The following SRL variants were observed in gnomAD, a reference collection of about 807,000 sequenced individuals.
The protein encoded by SRL is sarcalumenin.
Under a neutral mutation model 39.5 loss-of-function variants are expected in SRL, and 23 were observed. The observed-to-expected ratio is 0.58, with a 90% CI of 0.42 to 0.82. SRL has a LOEUF of 0.82. SRL is among the 40% of genes least tolerant of loss of function. The probability of loss-of-function intolerance (pLI) is 0.00; values close to 1 mark genes in which losing one functional copy is unlikely to be tolerated. For synonymous variants in SRL, 272 were observed against 237.4 expected (o/e 1.15, Z -1.34); for missense variants, 592 against 607.8 (o/e 0.97, Z 0.27).
Position 4,190,768 on chromosome 16 carries a change from C to T in SRL, c.*1385G>A, listed in dbSNP as rs1276996624. 1.7e-5 allele frequency: 5 copies of T among 300,944 alleles called. No homozygotes were observed. The highest frequency in any genetic ancestry group is 1.1e-4 in the East Asian group (2 of 18,598). 18.6% of individuals were successfully genotyped at this position (300,944 alleles called of 1,614,324 possible). A position where few individuals can be genotyped will look rare whatever the true frequency, so the allele number is the denominator to read the frequency against. On this transcript the variant is annotated 3_prime_UTR_variant, in exon 6 of 6. Coordinates refer to ENST00000399609, the MANE Select transcript of SRL (RefSeq NM_001098814.2). ...GTTAAGCCTTGGTGGCCACCGACAC[C>T]GAGTGGCTGGTGCTGGTTCTGACTC...
rs993031630 is a variant in SRL, at chr16:4,191,936, C to T, written c.*217G>A. On this transcript the variant is annotated 3_prime_UTR_variant, in exon 6 of 6. Transcript: ENST00000399609. ...CTGACTTGCCTCAATCAGGCCTCCT[C>T]ATTGAAGCAACAAGACAAGCACACA... 8.0e-6 allele frequency: 4 copies of T among 502,020 alleles called. No individual in the cohort carries two copies. The highest frequency in any genetic ancestry group is 1.0e-5 in the Non-Finnish European group (3 of 291,500). 31.1% of individuals were successfully genotyped at this position (502,020 alleles called of 1,614,324 possible).
At chr16:4,238,616 G>A (rs1007647760) in intron 1 of SRL, among the ~76,000 whole-genome samples, 5 of 150,846 alleles carry the variant, frequency 3.3e-5, no homozygotes, top group East Asian at 1.9e-4. Flanking sequence ...CACCATGCCC[G>A]GTGCCACTTT....
chr16:4,195,683 T>C lies in SRL; in HGVS notation c.480A>G (p.Ser160=). ...AATTCTGGCCAAACTTCTCAAGGGG[T>C]GAGAAGGAACGGGCGCTGTCAGCAG... ...VMAADSARSF[S]PLEKFGQNFL... is the part of the protein sequence containing the mutation. Residue 160 remains serine, a synonymous_variant, in exon 5 of 6, where the codon TCA becomes TCG. Transcript: ENST00000399609. 1 of 1,613,872 alleles carries C rather than the reference T, an allele frequency of 6.2e-7. No individual in the cohort carries two copies. The highest frequency in any genetic ancestry group is 8.5e-7 in the Non-Finnish European group (1 of 1,179,966).
chr16:4,199,949 G>C (rs576398370), intron 3 of SRL, among the ~76,000 whole-genome samples: 1 of 152,048 alleles, frequency 6.6e-6, no homozygotes, highest in Non-Finnish European at 1.5e-5. Context: ...CACCTGCCTC[G>C]GCTTCCCAAA....
At chr16:4,202,069 GC>G (rs1240413352) in intron 3 of SRL, among the ~76,000 whole-genome samples, 1 of 152,210 alleles carries the variant, frequency 6.6e-6, no homozygotes, top group East Asian at 1.9e-4. Context: ...GAGATTACAG[GC>G]GTGAGCCACC....
chr16:4,192,008 C>T lies in SRL; in HGVS notation c.*145G>A, dbSNP rs372222294. On this transcript the variant is annotated 3_prime_UTR_variant, in exon 6 of 6. Coordinates refer to ENST00000399609, the MANE Select transcript of SRL (RefSeq NM_001098814.2). This position sits in a 1 kb window ranked among gnomAD's most constrained non-coding sequence, Gnocchi z 4.0. The stretch of plus-strand genomic sequence containing the variant: ...CCTCCCTAGACCCACACACCTGCCC[C>T]GACCCCTGGCCTCAATGAACTCCCA... 110 of 887,442 alleles carry T rather than the reference C, an allele frequency of 1.2e-4. No homozygotes were observed. The African/African-American group carries it at 1.7e-3, about 14-fold the overall frequency. 55.0% of individuals were successfully genotyped at this position (887,442 alleles called of 1,614,324 possible).
intron 1 of SRL, among the ~76,000 whole-genome samples, chr16:4,227,513 G>C (rs2052606932): frequency 1.3e-5 from 2 of 151,056 alleles, no homozygotes; most frequent in Admixed American, 6.6e-5. Context: ...GAATGGGTGG[G>C]TAGATGAGTA....
chr16:4,204,408 G>GAT, intron 2 of SRL, 125 bp downstream of exon 2: 1 of 812,456 alleles, frequency 1.2e-6, no homozygotes, highest in Non-Finnish European at 2.0e-6. Flanking sequence ...CTCCAAGATA[G>GAT]ATACAGCCCC....
intron 1 of SRL, among the ~76,000 whole-genome samples, chr16:4,238,493 G>A (rs140454470): frequency 2.6e-5 from 4 of 152,218 alleles, no homozygotes; most frequent in Non-Finnish European, 5.9e-5. Context: ...TGGCCAAGGA[G>A]TGGAAAGGAC....
rs71139622 is a variant in SRL at position 4,199,364 on chromosome 16, CTTTT to C, written c.260-1453_260-1450del. Among the ~76,000 whole-genome samples, 632 of 84,670 alleles carry C rather than the reference CTTTT, an allele frequency of 7.5e-3. 5 individuals are homozygous for C. The highest frequency in any genetic ancestry group is 0.025 in the African/African-American group (614 of 24,538). The allele number at this position is 84,670 out of a possible 152,430, so 55.5% of individuals were successfully genotyped here. On this transcript the variant is annotated intron_variant, in intron 3 of 5. Coordinates refer to ENST00000399609, the MANE Select transcript of SRL (RefSeq NM_001098814.2). ...TATTTGTAGCTAACATATTCCCCAT[CTTTT>C]TTTTTTTTTTTTTTTTTTTTTGAGA... is the stretch of plus-strand genomic sequence containing the variant.
intron 1 of SRL, among the ~76,000 whole-genome samples, chr16:4,205,726 C>A (rs1006485589): frequency 6.6e-6 from 1 of 152,072 alleles, no homozygotes; most frequent in African/African-American, 2.4e-5. Context: ...CCGGGCAGGA[C>A]CTTCCACAGG....
rs751329331 is a variant in SRL at position 4,208,092 on chromosome 16, G to A, written c.62-3458C>T. On this transcript the variant is annotated intron_variant, in intron 1 of 5. Transcript: ENST00000399609. ...AACATCTTCTGTGCCACCCGACGCG[G>A]AGACTTGCAGTTCTAAATGATTAGA... 5.8e-5 allele frequency: 26 copies of A among 452,034 alleles called. 1 individual carries two copies. The highest frequency in any genetic ancestry group is 4.1e-4 in the South Asian group (26 of 63,888). The allele number at this position is 452,034 out of a possible 1,614,324, so 28.0% of individuals were successfully genotyped here. A position where few individuals can be genotyped will look rare whatever the true frequency, so the allele number is the denominator to read the frequency against.
intron 1 of SRL, among the ~76,000 whole-genome samples, chr16:4,230,504 C>G (rs150961381): frequency 0.015 from 2,267 of 152,070 alleles, 151 homozygotes; most frequent in East Asian, 0.13. Context: ...CCTCAGCCCC[C>G]CAAGTAGCTG....
chr16:4,233,974 G>C (rs750277050), intron 1 of SRL, among the ~76,000 whole-genome samples: 3 of 152,194 alleles, frequency 2.0e-5, no homozygotes, highest in Non-Finnish European at 1.5e-5. Context: ...GGCTGGCCAT[G>C]GCCTGCATTC....
chr16:4,203,738 G>A (rs930512872), intron 2 of SRL, among the ~76,000 whole-genome samples: 1 of 152,128 alleles, frequency 6.6e-6, no homozygotes, highest in South Asian at 2.1e-4. Flanking sequence ...TCAGTAGTGT[G>A]TCTGAAACCT....
In SRL at chr16:4,197,871, A is replaced by G; in HGVS notation, c.304T>C (p.Trp102Arg). 6.2e-7 allele frequency: 1 copy of G among 1,614,178 alleles called. No homozygotes were observed. Among genetic ancestry groups the G allele is most frequent in the Non-Finnish European group, 8.5e-7 (1 of 1,179,990 alleles). The change falls in exon 4 of 6, where the codon TGG (tryptophan) becomes CGG (arginine). Residue 102 changes from tryptophan (W) to arginine (R), a missense_variant. Coordinates refer to ENST00000399609, the MANE Select transcript of SRL (RefSeq NM_001098814.2). ...SKPMVLFLGP[W>R]SVGKSTMINY... ...ATCATGGTAGATTTACCAACACTCC[A>G]CGGTCCCAGGAACAGTACCATGGGC...
chr16:4,233,820 T>C (rs925218550), intron 1 of SRL, among the ~76,000 whole-genome samples: 4 of 152,052 alleles, frequency 2.6e-5, no homozygotes, highest in Non-Finnish European at 4.4e-5. Context: ...GATTGTGCCA[T>C]ACCCTCATGC....
chr16:4,206,566 G>C (rs909531647), intron 1 of SRL, among the ~76,000 whole-genome samples: 1 of 152,044 alleles, frequency 6.6e-6, no homozygotes, highest in Non-Finnish European at 1.5e-5. Context: ...GGAGGCCAGT[G>C]GCCAATGCAC....
At chr16:4,208,083 C>T (rs1051867297) in intron 1 of SRL, 7 of 454,458 alleles carry the variant, frequency 1.5e-5, no homozygotes, top group African/African-American at 1.4e-4. Flanking sequence ...TTCTGTGCCA[C>T]CCGACGCGGA....
Sources: allele counts gnomAD v4.1 joint callset (sites outside exome capture counted in the v4.1 genomes callset), GRCh38; gene constraint gnomAD v4.1.1; non-coding constraint Gnocchi (gnomAD v3.1); transcripts MANE v1.5; gene names NCBI Gene and HGNC (gene_info 2026-07-23, HGNC 2026-07-21).